The following OR2L5 variants were observed in gnomAD, a reference collection of about 807,000 sequenced individuals.
OR2L5 encodes olfactory receptor 2L5.
For missense variants in OR2L5, 413 were observed against 381.6 expected, an observed-to-expected ratio of 1.08 and a Z score of -0.69; for synonymous variants, 169 against 142.0, an observed-to-expected ratio of 1.19 and a Z score of -1.35.
At position 248,022,070 on chromosome 1, in the gene OR2L5, C is replaced by G. The variant is rs778111135; in HGVS notation, c.123C>G (p.Asn41Lys). The stretch of plus-strand genomic sequence containing the variant: ...TTTTCCTAATGGCTCTAATTGGAAA[C>G]CTATCCATGATTCTTCTCATCTTCT... ...VLIFLMALIGNLSMILLIFLD... is the reference protein window; with the variant it reads ...VLIFLMALIGKLSMILLIFLD... The change falls in exon 2 of 2, where the codon AAC (asparagine) becomes AAG (lysine). Residue 41 changes from asparagine to lysine, a missense_variant. Coordinates refer to ENST00000355281, the MANE Select transcript of OR2L5 (RefSeq NM_001258284.2). The G allele has an allele frequency of 1.9e-6, 3 of 1,613,828 alleles. No individual in the cohort carries two copies. In the South Asian group the frequency reaches 3.3e-5, roughly 18 times the overall value.
intron 1 of OR2L5, among the ~76,000 whole-genome samples, chr1:248,021,530 C>A (rs183546318): frequency 2.0e-4 from 31 of 152,182 alleles, no homozygotes; most frequent in African/African-American, 7.2e-4. Context: ...CAGTCATAGC[C>A]CAATGTTGCA....
intron 1 of OR2L5, among the ~76,000 whole-genome samples, chr1:248,016,687 CA>C (rs948594236): frequency 2.6e-5 from 4 of 151,706 alleles, no homozygotes; most frequent in Non-Finnish European, 4.4e-5. Context: ...CTAGACCACA[CA>C]TTTTTTTAAA....
At chr1:248,013,768 T>C (rs1213342658) in intron 1 of OR2L5, 30 bp downstream of exon 1, 1 of 152,170 alleles carries the variant, frequency 6.6e-6, no homozygotes, top group African/African-American at 2.4e-5. Context: ...TTTAAAATTT[T>C]TATTGATCAT....
chr1:248,018,426 A>G (rs1662259732), intron 1 of OR2L5, among the ~76,000 whole-genome samples: 1 of 152,210 alleles, frequency 6.6e-6, no homozygotes, highest in Admixed American at 6.5e-5. Flanking sequence ...AATACAAATT[A>G]CATACTATTG....
Position 248,022,724 on chromosome 1 carries a change from A to G in OR2L5, c.777A>G (p.Leu259=). The change falls in exon 2 of 2, where the codon CTA becomes CTG. Residue 259 remains leucine, a synonymous_variant. Coordinates refer to ENST00000355281, the MANE Select transcript of OR2L5 (RefSeq NM_001258284.2). The part of the protein sequence containing the change: ...FYYAPFAYTY[L]CPRSLRSLTE... ...ATGCACCCTTTGCTTATACCTATCT[A>G]TGTCCAAGATCCCTGCGATCTCTGA... is the stretch of plus-strand genomic sequence containing the variant. 1 of 1,614,052 alleles carries G rather than the reference A, an allele frequency of 6.2e-7. No individual in the cohort carries two copies. The highest frequency in any genetic ancestry group is 8.5e-7 in the Non-Finnish European group (1 of 1,179,996).
rs116285127 is a variant in OR2L5 at position 248,022,438 on chromosome 1, G to A, written c.491G>A (p.Arg164His). 5.0e-4 allele frequency: 805 copies of A among 1,614,104 alleles called. 4 individuals are homozygous for A. In the African/African-American group the frequency reaches 8.3e-3, roughly 17 times the overall value. ...TGTGCTCACACAGTATATGCATTCCGTATCCCATATTGCAAGTCCAGAGCC... is the reference window on the plus strand; with the variant it reads ...TGTGCTCACACAGTATATGCATTCCATATCCCATATTGCAAGTCCAGAGCC... ...NSCAHTVYAF[R>H]IPYCKSRAIN... Residue 164 changes from arginine (R) to histidine (H), a missense_variant, in exon 2 of 2, where the codon CGT becomes CAT. By Grantham distance (29) the Arg-to-His change is conservative. Transcript: ENST00000355281.
rs1051292328 is a variant in OR2L5 at position 248,022,295 on chromosome 1, A to G, written c.348A>G (p.Ser116=). The stretch of plus-strand genomic sequence containing the variant: ...GTGCAGAAGCGCTGCTCCTGACATC[A>G]ATGGCCTATGATCGTTATGTGGCCA... ...FAGAEALLLT[S]MAYDRYVAIC... is the part of the protein sequence containing the mutation. The change falls in exon 2 of 2, where the codon TCA becomes TCG. Residue 116 remains serine (S), a synonymous_variant. Coordinates refer to ENST00000355281, the MANE Select transcript of OR2L5 (RefSeq NM_001258284.2). The G allele has an allele frequency of 1.2e-6, 2 of 1,614,080 alleles. No individual in the cohort carries two copies. The highest frequency in any genetic ancestry group is 2.2e-5 in the South Asian group (2 of 91,076).
Position 248,023,515 on chromosome 1 carries a change from C to A in OR2L5, c.*629C>A, listed in dbSNP as rs1367179126. ...TGGAGTAGGTTATTTGAACCATTCC[C>A]CAGTCACATCACAACACACACAATG... On this transcript the variant is annotated 3_prime_UTR_variant, in exon 2 of 2. Transcript: ENST00000355281. 6.6e-6 allele frequency: 1 copy of A among 152,152 alleles called. No individual in the cohort carries two copies. Among genetic ancestry groups the A allele is most frequent in the Non-Finnish European group, 1.5e-5 (1 of 68,050 alleles). The allele number at this position is 152,152 out of a possible 1,614,324, so 9.4% of individuals were successfully genotyped here.
chr1:248,016,837 T>C (rs772039168), intron 1 of OR2L5, among the ~76,000 whole-genome samples: 1 of 152,064 alleles, frequency 6.6e-6, no homozygotes, highest in African/African-American at 2.4e-5. Context: ...TTGTGTGTGA[T>C]GTAGAGAAGT....
chr1:248,022,034 CTT>C lies in OR2L5; in HGVS notation c.89_90del (p.Phe30CysfsTer33). The C allele has an allele frequency of 6.2e-7, 1 of 1,613,966 alleles. No homozygotes were observed. The highest frequency in any genetic ancestry group is 8.5e-7 in the Non-Finnish European group (1 of 1,179,870). On this transcript the variant is annotated frameshift_variant, in exon 2 of 2. Transcript: ENST00000355281. LOFTEE classifies it low-confidence loss of function (END_TRUNC). ...SKIGLFLFIL[F>X]VLIFLMALIG... ...AAATTGGCCTTTTCCTCTTCATTCT[CTT>C]TGTTCTCATTTTCCTAATGGCTCTA...
At chr1:248,013,892 A>G (rs553532028) in intron 1 of OR2L5, among the ~76,000 whole-genome samples, 154 bp downstream of exon 1, 1 of 152,308 alleles carries the variant, frequency 6.6e-6, no homozygotes, top group South Asian at 2.1e-4. Context: ...GAAATTTTGG[A>G]GTATAGAATA....
chr1:248,022,254 T>A lies in OR2L5; in HGVS notation c.307T>A (p.Phe103Ile). The A allele has an allele frequency of 6.2e-7, 1 of 1,614,192 alleles. No homozygotes were observed. Among genetic ancestry groups the A allele is most frequent in the Middle Eastern group, 1.7e-4 (1 of 6,060 alleles). ...TGGGTGTGGGATTCAGAGTTTCTTC[T>A]TCATGACTTTTGCAGGTGCAGAAGC... ...FIGCGIQSFF[F>I]MTFAGAEALL... Residue 103 changes from phenylalanine (F) to isoleucine (I), a missense_variant, in exon 2 of 2, where the codon TTC (phenylalanine) becomes ATC (isoleucine). Coordinates refer to ENST00000355281, the MANE Select transcript of OR2L5 (RefSeq NM_001258284.2).
rs889640530 is a variant in OR2L5, at chr1:248,021,256, A to G, written c.-21-671A>G. 3.3e-5 allele frequency among the ~76,000 whole-genome samples: 5 copies of G among 152,190 alleles called. 1 individual carries two copies. The South Asian group carries it at 6.2e-4, about 19-fold the overall frequency. On this transcript the variant is annotated intron_variant, in intron 1 of 1. Coordinates refer to ENST00000355281, the MANE Select transcript of OR2L5 (RefSeq NM_001258284.2). Reference sequence around the variant, plus strand: ...AATTTTGGTTATAAATATTTGTCTCATCAAATATTAATCTCTGGATAGAGA... The same window carrying G: ...AATTTTGGTTATAAATATTTGTCTCGTCAAATATTAATCTCTGGATAGAGA...
chr1:248,021,536 T>C (rs540603721), intron 1 of OR2L5, among the ~76,000 whole-genome samples: 22 of 152,318 alleles, frequency 1.4e-4, no homozygotes, highest in African/African-American at 4.6e-4. Flanking sequence ...TAGCCCAATG[T>C]TGCATCATAG....
chr1:248,022,919 G>A lies in OR2L5; in HGVS notation c.*33G>A. 1.3e-6 allele frequency: 2 copies of A among 1,561,060 alleles called. No individual in the cohort carries two copies. The highest frequency in any genetic ancestry group is 4.5e-5 in the East Asian group (2 of 44,602). On this transcript the variant is annotated 3_prime_UTR_variant, in exon 2 of 2. Coordinates refer to ENST00000355281, the MANE Select transcript of OR2L5 (RefSeq NM_001258284.2). Reference sequence around the variant, plus strand: ...TTCTGTGTTAGAGTCAAAGCGCTAGGTTCATATCAACTCAGCAGTGTACAG... The same window carrying A: ...TTCTGTGTTAGAGTCAAAGCGCTAGATTCATATCAACTCAGCAGTGTACAG...
At position 248,022,757 on chromosome 1, in the gene OR2L5, C is replaced by G. The variant is rs1662376559; in HGVS notation, c.810C>G (p.Asp270Glu). 6 of 1,614,004 alleles carry G rather than the reference C, an allele frequency of 3.7e-6. No homozygotes were observed. The highest frequency in any genetic ancestry group is 5.1e-6 in the Non-Finnish European group (6 of 1,180,020). ...CPRSLRSLTE[D>E]KVLAVFYTIL... ...GATCCCTGCGATCTCTGACAGAGGA[C>G]AAGGTTCTGGCTGTTTTCTACACCA... Residue 270 changes from aspartate (D) to glutamate (E), a missense_variant, in exon 2 of 2, where the codon GAC (aspartate) becomes GAG (glutamate). Asp to Glu is a conservative substitution (Grantham distance 45). Transcript: ENST00000355281.
In OR2L5 at chr1:248,022,813, A is replaced by G. The variant is rs1462428013; in HGVS notation, c.866A>G (p.Tyr289Cys). ...ILTPMLNPII[Y>C]SLRNKEVMGA... is the part of the protein sequence containing the mutation. ...ACCCCAATGCTCAACCCCATCATCT[A>G]CAGCCTGAGAAACAAGGAGGTGATG... The change falls in exon 2 of 2, where the codon TAC becomes TGC. Residue 289 changes from tyrosine (Y) to cysteine (C), a missense_variant. Physicochemically the swap from Tyr to Cys is radical, Grantham distance 194. Transcript: ENST00000355281. 6.2e-7 allele frequency: 1 copy of G among 1,613,446 alleles called. No individual in the cohort carries two copies.
intron 1 of OR2L5, among the ~76,000 whole-genome samples, chr1:248,020,826 T>C (rs1485543852): frequency 6.6e-6 from 1 of 151,726 alleles, no homozygotes; most frequent in Non-Finnish European, 1.5e-5. Context: ...TATTATACTT[T>C]AACTTTTAGG....
At chr1:248,019,579 T>G (rs1233791651) in intron 1 of OR2L5, among the ~76,000 whole-genome samples, 1 of 152,200 alleles carries the variant, frequency 6.6e-6, no homozygotes, top group African/African-American at 2.4e-5. Context: ...TTTCATATTT[T>G]GAATGTAGTT....
Sources: gnomAD v4.1 joint callset for allele counts (sites outside exome capture counted in the v4.1 genomes callset) on GRCh38, gnomAD v4.1.1 for gene constraint, MANE v1.5 for transcripts, NCBI Gene and HGNC (gene_info 2026-07-23, HGNC 2026-07-21) for gene names.